Variants in MACROD2 observed in about 807,000 individuals in gnomAD.
The protein encoded by MACROD2 is mono-ADP ribosylhydrolase 2.
In MACROD2, 36 loss-of-function variants were observed where a neutral mutation model predicts 70.4. The ratio of observed to expected loss-of-function variants is 0.51; its 90% CI spans 0.39 to 0.68. The LOEUF is 0.68. MACROD2 is among the 30% of genes least tolerant of loss of function. MACROD2 has a pLI of 0.00. For missense variants in MACROD2, 496 were observed against 538.4 expected (o/e 0.92, Z 0.78); for synonymous variants, 172 against 178.8 (o/e 0.96, Z 0.30).
intron 5 of MACROD2, among the ~76,000 whole-genome samples, chr20:15,057,060 T>C (rs1386949199): frequency 1.3e-5 from 2 of 152,234 alleles, no homozygotes; most frequent in African/African-American, 2.4e-5. Flanking sequence ...ATGGGATATA[T>C]GAGTCAGAGA....
intron 6 of MACROD2, among the ~76,000 whole-genome samples, chr20:15,344,326 G>A (rs535949956): frequency 1.3e-5 from 2 of 152,244 alleles, no homozygotes; most frequent in African/African-American, 4.8e-5. Flanking sequence ...CATCCCAACT[G>A]AGAAAGCACA....
intron 5 of MACROD2, among the ~76,000 whole-genome samples, chr20:14,988,193 G>A (rs759173069): frequency 4.0e-4 from 61 of 151,912 alleles, no homozygotes; most frequent in Non-Finnish European, 5.2e-4. Flanking sequence ...GCGAAATCCC[G>A]TCTCTACAAA....
chr20:14,641,723 A>G (rs989043351), intron 4 of MACROD2, among the ~76,000 whole-genome samples: 5 of 152,200 alleles, frequency 3.3e-5, no homozygotes, highest in African/African-American at 4.8e-5. Context: ...TTTTTTTCTG[A>G]GCAGTAGGTC....
At chr20:15,817,104 C>T (rs773380551) in intron 8 of MACROD2, among the ~76,000 whole-genome samples, 4 of 152,154 alleles carry the variant, frequency 2.6e-5, no homozygotes, top group Non-Finnish European at 5.9e-5. Flanking sequence ...TGTTATAGAA[C>T]TTTTATTGGT....
intron 8 of MACROD2, among the ~76,000 whole-genome samples, chr20:15,727,365 A>C (rs1464435995): frequency 6.6e-6 from 1 of 152,088 alleles, no homozygotes; most frequent in Non-Finnish European, 1.5e-5. Context: ...TTTTACATCA[A>C]GTAATGTGAT....
At chr20:14,390,746 A>G (rs2083517780) in intron 3 of MACROD2, among the ~76,000 whole-genome samples, 1 of 152,176 alleles carries the variant, frequency 6.6e-6, no homozygotes, top group African/African-American at 2.4e-5. Flanking sequence ...TAACTCAAGA[A>G]TGGATTAAAG....
At chr20:15,368,523 A>G (rs1447397946) in intron 6 of MACROD2, among the ~76,000 whole-genome samples, 1 of 146,934 alleles carries the variant, frequency 6.8e-6, no homozygotes, top group Non-Finnish European at 1.5e-5. Flanking sequence ...GTGCAGTGGC[A>G]TGATCTTGGC....
At chr20:14,509,779 T>C (rs146259353) in intron 4 of MACROD2, among the ~76,000 whole-genome samples, 71 of 152,116 alleles carry the variant, frequency 4.7e-4, no homozygotes, top group African/African-American at 1.6e-3. Flanking sequence ...TTATTTTAAA[T>C]ATTAGCATAT....
At chr20:14,669,840 C>T (rs935871932) in intron 4 of MACROD2, among the ~76,000 whole-genome samples, 4 of 151,922 alleles carry the variant, frequency 2.6e-5, no homozygotes, top group Admixed American at 1.3e-4. Context: ...CAATCTGTGC[C>T]TTGCAACTAC....
intron 4 of MACROD2, among the ~76,000 whole-genome samples, chr20:14,651,672 A>G (rs943650366): frequency 6.6e-6 from 1 of 152,216 alleles, no homozygotes; most frequent in African/African-American, 2.4e-5. Context: ...CAAGTGTGAG[A>G]AAGCCACTTT....
chr20:14,682,411 ATG>A (rs575628470), intron 4 of MACROD2, among the ~76,000 whole-genome samples: 1 of 151,400 alleles, frequency 6.6e-6, no homozygotes, highest in Admixed American at 6.6e-5. Context: ...ACATATATAT[ATG>A]TGTGTGTGCT....
intron 4 of MACROD2, among the ~76,000 whole-genome samples, chr20:14,591,294 GGACACAAGGCT>G (rs1377873171): frequency 1.3e-5 from 2 of 152,194 alleles, no homozygotes; most frequent in East Asian, 3.9e-4. Flanking sequence ...TTTCCCAAAA[GGACACAAGGCT>G]GTTAACATAA....
chr20:15,663,232 ATTTT>A (rs34234600), intron 8 of MACROD2, among the ~76,000 whole-genome samples: 40,693 of 129,512 alleles, frequency 0.31, 6,231 homozygotes, highest in Non-Finnish European at 0.4. Flanking sequence ...TCAGAATTTG[ATTTT>A]TTTTTTTTTT....
intron 5 of MACROD2, among the ~76,000 whole-genome samples, chr20:15,096,198 C>T (rs1206690047): frequency 4.6e-5 from 7 of 152,008 alleles, no homozygotes; most frequent in South Asian, 2.1e-4. Context: ...CCTTTCTCCA[C>T]GGGGCCAAAG....
At chr20:13,999,199 G>T (rs955514747) in intron 1 of MACROD2, among the ~76,000 whole-genome samples, 1 of 151,976 alleles carries the variant, frequency 6.6e-6, no homozygotes, top group Non-Finnish European at 1.5e-5. Context: ...TAATTTCTTG[G>T]TGTCTTCAGG....
intron 15 of MACROD2, among the ~76,000 whole-genome samples, chr20:16,035,252 A>G (rs1276386987): frequency 2.7e-5 from 4 of 148,104 alleles, no homozygotes; most frequent in Non-Finnish European, 5.9e-5. Context: ...CCACTCATTG[A>G]CTGATGAGCC....
intron 3 of MACROD2, among the ~76,000 whole-genome samples, chr20:14,195,952 T>A (rs183322714): frequency 6.6e-6 from 1 of 152,154 alleles, no homozygotes; most frequent in African/African-American, 2.4e-5. Flanking sequence ...AGGGGTCTAA[T>A]TGAGCTAACA....
intron 5 of MACROD2, among the ~76,000 whole-genome samples, chr20:15,075,109 A>C (rs1487365413): frequency 6.6e-6 from 1 of 152,164 alleles, no homozygotes; most frequent in East Asian, 1.9e-4. Flanking sequence ...ATGGGTAGGT[A>C]ATGCTAAAGC....
At chr20:14,785,453 G>A (rs1395773707) in intron 5 of MACROD2, among the ~76,000 whole-genome samples, 1 of 152,000 alleles carries the variant, frequency 6.6e-6, no homozygotes, top group Non-Finnish European at 1.5e-5. Flanking sequence ...TTCAAATGAA[G>A]TCATATTTTG....
Sources: allele counts gnomAD v4.1 joint callset (sites outside exome capture counted in the v4.1 genomes callset), GRCh38; gene constraint gnomAD v4.1.1; transcripts MANE v1.5; gene names NCBI Gene and HGNC (gene_info 2026-07-23, HGNC 2026-07-21).